EPS8: variants seen among roughly 807,000 people sequenced by gnomAD.
The protein encoded by EPS8 is epidermal growth factor receptor kinase substrate 8.
Under a neutral mutation model 103.8 loss-of-function variants are expected in EPS8, and 42 were observed. The observed-to-expected ratio is 0.40, with a 90% CI of 0.32 to 0.52. EPS8 has a LOEUF of 0.52. EPS8 is among the 20% of genes least tolerant of loss of function. EPS8 has a pLI of 0.40. For synonymous variants in EPS8, 344 were observed against 344.6 expected (o/e 1.00, Z 0.02); for missense variants, 969 against 1,005.1 (o/e 0.96, Z 0.49).
chr12:15,660,589 A>C, intron 10 of EPS8, 25 bp downstream of exon 10: 1 of 1,102,674 alleles, frequency 9.1e-7, no homozygotes, highest in Non-Finnish European at 1.4e-6. Context: ...ACCAGGCATT[A>C]GAAGATTAAG....
chr12:15,686,543 C>T (rs917889074), intron 1 of EPS8, among the ~76,000 whole-genome samples: 1 of 151,790 alleles, frequency 6.6e-6, no homozygotes, highest in Non-Finnish European at 1.5e-5. Context: ...TAGAAGGATA[C>T]AAATGATAAA....
intron 3 of EPS8, among the ~76,000 whole-genome samples, chr12:15,678,795 T>A (rs1664150455): frequency 6.6e-6 from 1 of 151,486 alleles, no homozygotes; most frequent in Admixed American, 6.6e-5. Flanking sequence ...GCACCTATAG[T>A]CCCTGCTACT....
Position 15,702,750 on chromosome 12 carries a change from A to T in EPS8, c.-21-19778T>A, listed in dbSNP as rs1279648785. ...AATATTTTACCTATATCCAATACATATATATCCAGTATATTAATAATAGTG... is the reference window on the plus strand; with the variant it reads ...AATATTTTACCTATATCCAATACATTTATATCCAGTATATTAATAATAGTG... On this transcript the variant is annotated intron_variant, in intron 1 of 20. Coordinates refer to ENST00000281172, the MANE Select transcript of EPS8 (RefSeq NM_004447.6). The surrounding 1 kb of genome is among the most constrained non-coding windows in gnomAD (Gnocchi z 5.1). Among the ~76,000 whole-genome samples the T allele has an allele frequency of 6.6e-6, 1 of 152,216 alleles. No individual in the cohort carries two copies. The highest frequency in any genetic ancestry group is 1.5e-5 in the Non-Finnish European group (1 of 68,034).
At chr12:15,712,241 T>A (rs887593900) in intron 1 of EPS8, among the ~76,000 whole-genome samples, 2 of 146,880 alleles carry the variant, frequency 1.4e-5, no homozygotes, top group African/African-American at 2.5e-5. Flanking sequence ...ACATGGGCTT[T>A]AAAAAAAAAA....
At position 15,762,438 on chromosome 12, in the gene EPS8, A is replaced by G. The variant is rs1947051831; in HGVS notation, c.-22+26723T>C. ...ATCCAGCAATCGCGCTGCTAGGTAT[A>G]GACCCAAAAGAAAGGAAATCAGTAT... On this transcript the variant is annotated intron_variant, in intron 1 of 20. Coordinates refer to ENST00000281172, the MANE Select transcript of EPS8 (RefSeq NM_004447.6). The surrounding 1 kb of genome is among the most constrained non-coding windows in gnomAD (Gnocchi z 4.8). Among the ~76,000 whole-genome samples, 1 of 152,234 alleles carries G rather than the reference A, an allele frequency of 6.6e-6. No individual in the cohort carries two copies. The highest frequency in any genetic ancestry group is 2.4e-5 in the African/African-American group (1 of 41,468).
intron 3 of EPS8, among the ~76,000 whole-genome samples, chr12:15,680,613 G>A (rs1048008912): frequency 1.3e-5 from 2 of 152,060 alleles, no homozygotes; most frequent in African/African-American, 4.8e-5. Flanking sequence ...TACAATAAAA[G>A]TGGCCATCCA....
At chr12:15,635,539 T>A (rs1945119024) in intron 17 of EPS8, among the ~76,000 whole-genome samples, 1 of 152,210 alleles carries the variant, frequency 6.6e-6, no homozygotes, top group Admixed American at 6.5e-5. Flanking sequence ...TAGCTAAATG[T>A]CTGTACTGAG....
In EPS8 at chr12:15,759,019, ATT is replaced by A. The variant is rs199539601; in HGVS notation, c.-22+30140_-22+30141del. Reference sequence around the variant, plus strand: ...GCCTGGATTCTGGATTCTTCTACAGATTTTTTTTTAAAATTTTTTAATTAAAA... The same window carrying A: ...GCCTGGATTCTGGATTCTTCTACAGATTTTTTTAAAATTTTTTAATTAAAA... On this transcript the variant is annotated intron_variant, in intron 1 of 20. Coordinates refer to ENST00000281172, the MANE Select transcript of EPS8 (RefSeq NM_004447.6). The surrounding 1 kb of genome is among the most constrained non-coding windows in gnomAD (Gnocchi z 4.9). 1.5e-4 allele frequency among the ~76,000 whole-genome samples: 23 copies of A among 151,742 alleles called. No individual in the cohort carries two copies. The highest frequency in any genetic ancestry group is 3.4e-4 in the Non-Finnish European group (23 of 67,858).
chr12:15,687,664 T>C (rs1239059208), intron 1 of EPS8, among the ~76,000 whole-genome samples: 1 of 152,182 alleles, frequency 6.6e-6, no homozygotes, highest in Non-Finnish European at 1.5e-5. Flanking sequence ...TTTGCTATTG[T>C]GATGGTGTTC....
intron 16 of EPS8, among the ~76,000 whole-genome samples, chr12:15,641,396 T>C (rs991698462): frequency 2.6e-5 from 4 of 152,006 alleles, no homozygotes; most frequent in Non-Finnish European, 5.9e-5. Flanking sequence ...TATTGAACTA[T>C]TATGTGCATC....
chr12:15,638,201 C>A (rs1421215967), intron 17 of EPS8, among the ~76,000 whole-genome samples: 1 of 151,894 alleles, frequency 6.6e-6, no homozygotes, highest in Non-Finnish European at 1.5e-5. Flanking sequence ...ATATGGGTAT[C>A]TACTGTTGTA....
At position 15,749,161 on chromosome 12, in the gene EPS8, T is replaced by C. The variant is rs1946905763; in HGVS notation, c.-22+40000A>G. 6.6e-6 allele frequency among the ~76,000 whole-genome samples: 1 copy of C among 152,162 alleles called. No individual in the cohort carries two copies. Among genetic ancestry groups the C allele is most frequent in the African/African-American group, 2.4e-5 (1 of 41,422 alleles). ...TACCTGACTATTTAAGATTATGCCT[T>C]AGGCTCTCACTAAGGGCCAATATAG... is the stretch of plus-strand genomic sequence containing the variant. On this transcript the variant is annotated intron_variant, in intron 1 of 20. Coordinates refer to ENST00000281172, the MANE Select transcript of EPS8 (RefSeq NM_004447.6). The surrounding 1 kb of genome is among the most constrained non-coding windows in gnomAD (Gnocchi z 4.0).
intron 1 of EPS8, among the ~76,000 whole-genome samples, chr12:15,707,812 C>A (rs1054746356): frequency 1.3e-5 from 2 of 152,192 alleles, no homozygotes; most frequent in Admixed American, 6.5e-5. Context: ...TCTCTCCTTA[C>A]AATTCTGAAG....
At chr12:15,753,236 T>C (rs1003980284) in intron 1 of EPS8, among the ~76,000 whole-genome samples, 6 of 152,170 alleles carry the variant, frequency 3.9e-5, no homozygotes, top group African/African-American at 1.4e-4. Flanking sequence ...TTGTTACTTT[T>C]AAAAAGATTT....
At position 15,697,884 on chromosome 12, in the gene EPS8, G is replaced by A. The variant is rs1337621669; in HGVS notation, c.-21-14912C>T. On this transcript the variant is annotated intron_variant, in intron 1 of 20. Coordinates refer to ENST00000281172, the MANE Select transcript of EPS8 (RefSeq NM_004447.6). The surrounding 1 kb of genome is among the most constrained non-coding windows in gnomAD (Gnocchi z 5.6). ...AAGGCCAAGATAGTACCAGAATAAA[G>A]ACAATGGACACTAAAGTGACAAAAG... 6.6e-6 allele frequency among the ~76,000 whole-genome samples: 1 copy of A among 152,116 alleles called. No individual in the cohort carries two copies. The highest frequency in any genetic ancestry group is 2.4e-5 in the African/African-American group (1 of 41,426).
intron 18 of EPS8, among the ~76,000 whole-genome samples, chr12:15,627,053 G>T (rs973701932): frequency 1.9e-4 from 29 of 151,912 alleles, no homozygotes; most frequent in Non-Finnish European, 2.4e-4. Flanking sequence ...ATACTGGAGT[G>T]CAGTGGCACA....
At position 15,747,366 on chromosome 12, in the gene EPS8, A is replaced by G. The variant is rs1946885596; in HGVS notation, c.-22+41795T>C. Among the ~76,000 whole-genome samples the G allele has an allele frequency of 6.6e-6, 1 of 152,218 alleles. No individual in the cohort carries two copies. The highest frequency in any genetic ancestry group is 2.4e-5 in the African/African-American group (1 of 41,444). ...TAATATGGTTATCAGAAAGTGCTTA[A>G]TCTTAGTACATTAACAAACTTACTC... On this transcript the variant is annotated intron_variant, in intron 1 of 20. Coordinates refer to ENST00000281172, the MANE Select transcript of EPS8 (RefSeq NM_004447.6). The surrounding 1 kb of genome is among the most constrained non-coding windows in gnomAD (Gnocchi z 4.4).
intron 12 of EPS8, 96 bp from the exon 13 acceptor site, chr12:15,654,389 T>A: frequency 9.4e-7 from 1 of 1,058,234 alleles, no homozygotes; most frequent in South Asian, 1.3e-5. Context: ...CAAGCACTAC[T>A]TTTTAATAGT....
At position 15,762,424 on chromosome 12, in the gene EPS8, G is replaced by A. The variant is rs764571408; in HGVS notation, c.-22+26737C>T. On this transcript the variant is annotated intron_variant, in intron 1 of 20. Transcript: ENST00000281172. This position sits in a 1 kb window ranked among gnomAD's most constrained non-coding sequence, Gnocchi z 4.8. The stretch of plus-strand genomic sequence containing the variant: ...AGAGCTACATTATGATCCAGCAATC[G>A]CGCTGCTAGGTATAGACCCAAAAGA... 1.3e-5 allele frequency among the ~76,000 whole-genome samples: 2 copies of A among 152,070 alleles called. No homozygotes were observed. Among genetic ancestry groups the A allele is most frequent in the Admixed American group, 6.6e-5 (1 of 15,256 alleles).
Sources: gnomAD v4.1 joint callset for allele counts (sites outside exome capture counted in the v4.1 genomes callset) on GRCh38, gnomAD v4.1.1 for gene constraint, Gnocchi (gnomAD v3.1) non-coding constraint, MANE v1.5 for transcripts, NCBI Gene and HGNC (gene_info 2026-07-23, HGNC 2026-07-21) for gene names.